HHAT: variants seen among roughly 807,000 people sequenced by gnomAD.
HHAT encodes the protein hedgehog acyltransferase.
In HHAT, 47 loss-of-function variants were observed where a neutral mutation model predicts 70.8. The ratio of observed to expected loss-of-function variants is 0.66; its 90% CI spans 0.53 to 0.85. The LOEUF (loss-of-function observed/expected upper bound fraction) is 0.85, where lower values mean the gene tolerates loss of function less well. Among genes scored for constraint, HHAT ranks in the 40% least tolerant of loss-of-function variants. HHAT has a pLI of 0.00. For missense variants in HHAT, 609 were observed against 604.8 expected, an observed-to-expected ratio of 1.01 and a Z score of -0.07; for synonymous variants, 228 against 247.6, an observed-to-expected ratio of 0.92 and a Z score of 0.74.
chr1:210,461,124 T>A (rs2093970709), intron 7 of HHAT, among the ~76,000 whole-genome samples: 1 of 152,210 alleles, frequency 6.6e-6, no homozygotes, highest in Non-Finnish European at 1.5e-5. Flanking sequence ...GTTCAATTTG[T>A]CACATAACTT....
At chr1:210,496,741 T>C (rs1353519341) in intron 8 of HHAT, among the ~76,000 whole-genome samples, 1 of 152,224 alleles carries the variant, frequency 6.6e-6, no homozygotes, top group Non-Finnish European at 1.5e-5. Context: ...CATGGTTAAT[T>C]AGCTGTGACT....
intron 2 of HHAT, among the ~76,000 whole-genome samples, chr1:210,351,168 G>A (rs1571799925): frequency 1.3e-5 from 2 of 152,200 alleles, no homozygotes; most frequent in African/African-American, 2.4e-5. Context: ...AGCCTATGAT[G>A]TAAATCCCAG....
chr1:210,557,142 G>A (rs1436087089), intron 9 of HHAT, among the ~76,000 whole-genome samples: 1 of 152,240 alleles, frequency 6.6e-6, no homozygotes, highest in Non-Finnish European at 1.5e-5. Flanking sequence ...GAGGGAGACA[G>A]AATGTGGCTG....
chr1:210,414,619 A>G (rs1282633916), intron 6 of HHAT, among the ~76,000 whole-genome samples: 1 of 152,216 alleles, frequency 6.6e-6, no homozygotes, highest in Non-Finnish European at 1.5e-5. Context: ...TTGGAGAAGC[A>G]GGATGAAGAA....
At chr1:210,398,061 C>T (rs920306389) in intron 4 of HHAT, among the ~76,000 whole-genome samples, 9 of 152,240 alleles carry the variant, frequency 5.9e-5, no homozygotes, top group African/African-American at 1.7e-4. Context: ...CGCAATGGCG[C>T]GATCTTGGCT....
At chr1:210,527,299 C>G (rs1419289685) in intron 9 of HHAT, among the ~76,000 whole-genome samples, 1 of 152,182 alleles carries the variant, frequency 6.6e-6, no homozygotes, top group African/African-American at 2.4e-5. Flanking sequence ...TTTTTCAGCT[C>G]AGGCTCCCAT....
At chr1:210,616,621 C>T (rs1667798856) in intron 10 of HHAT, among the ~76,000 whole-genome samples, 1 of 152,186 alleles carries the variant, frequency 6.6e-6, no homozygotes, top group South Asian at 2.1e-4. Context: ...TTGTGTATGG[C>T]ACTCAAGAGG....
chr1:210,631,043 A>G lies in HHAT; in HGVS notation c.1390+7373A>G, dbSNP rs144803998. The G allele has an allele frequency of 6.6e-6, 3 of 456,664 alleles. No homozygotes were observed. The East Asian group carries it at 2.1e-4, about 32-fold the overall frequency. The allele number at this position is 456,664 out of a possible 1,614,324, so 28.3% of individuals were successfully genotyped here. ...TACTCAATCCATGTTGGGAGACAGCATTCCAGGGCTTTCCTGTGTTTCTGC... is the reference window on the plus strand; with the variant it reads ...TACTCAATCCATGTTGGGAGACAGCGTTCCAGGGCTTTCCTGTGTTTCTGC... On this transcript the variant is annotated intron_variant, in intron 11 of 11. Coordinates refer to ENST00000261458, the MANE Select transcript of HHAT (RefSeq NM_018194.6).
intron 10 of HHAT, among the ~76,000 whole-genome samples, chr1:210,613,604 T>G (rs1475487844): frequency 1.3e-5 from 2 of 152,184 alleles, no homozygotes; most frequent in Non-Finnish European, 1.5e-5. Flanking sequence ...GTTGGGGCCA[T>G]TTGAGATCTC....
chr1:210,485,682 C>T (rs2094463691), intron 8 of HHAT, among the ~76,000 whole-genome samples: 1 of 152,092 alleles, frequency 6.6e-6, no homozygotes, highest in Non-Finnish European at 1.5e-5. Flanking sequence ...AAATGGATGG[C>T]AGCAGACAAA....
At chr1:210,569,692 T>C (rs1655755761) in intron 9 of HHAT, among the ~76,000 whole-genome samples, 1 of 152,164 alleles carries the variant, frequency 6.6e-6, no homozygotes. Context: ...AACCATCTCC[T>C]GCTTTGTATA....
chr1:210,660,793 C>G (rs148751386), intron 11 of HHAT, among the ~76,000 whole-genome samples: 2 of 151,908 alleles, frequency 1.3e-5, no homozygotes, highest in Non-Finnish European at 2.9e-5. Context: ...TTGACAAACC[C>G]GACAAAAACA....
At chr1:210,562,460 G>A (rs2095632116) in intron 9 of HHAT, among the ~76,000 whole-genome samples, 1 of 151,882 alleles carries the variant, frequency 6.6e-6, no homozygotes, top group Admixed American at 6.6e-5. Context: ...TCATGATTTG[G>A]AGAGAGGAGC....
intron 8 of HHAT, among the ~76,000 whole-genome samples, chr1:210,467,804 T>C (rs2094134997): frequency 6.6e-6 from 1 of 152,244 alleles, no homozygotes; most frequent in Non-Finnish European, 1.5e-5. Context: ...CCCATTTTAA[T>C]GGAGCCATAC....
intron 7 of HHAT, among the ~76,000 whole-genome samples, chr1:210,454,898 T>C (rs920663860): frequency 6.6e-6 from 1 of 152,216 alleles, no homozygotes; most frequent in Admixed American, 6.5e-5. Context: ...GGTTTCCAAG[T>C]TAATAACCAC....
chr1:210,599,223 A>G (rs1663691185), intron 10 of HHAT, among the ~76,000 whole-genome samples: 2 of 152,306 alleles, frequency 1.3e-5, no homozygotes, highest in South Asian at 2.1e-4. Flanking sequence ...ACTAATTTAG[A>G]TCCCAGTATC....
At chr1:210,462,481 T>G (rs943326370) in intron 7 of HHAT, 2 of 152,182 alleles carry the variant, frequency 1.3e-5, no homozygotes, top group Non-Finnish European at 2.9e-5. Flanking sequence ...CACATGCCCT[T>G]CAAGTATTTT....
chr1:210,364,141 C>T (rs1380843944), intron 3 of HHAT, among the ~76,000 whole-genome samples: 6 of 152,194 alleles, frequency 3.9e-5, no homozygotes, highest in South Asian at 2.1e-4. Flanking sequence ...TGGCTTTTGT[C>T]GCTCTACCCA....
intron 11 of HHAT, among the ~76,000 whole-genome samples, chr1:210,656,777 C>T (rs978856158): frequency 9.2e-5 from 14 of 152,134 alleles, no homozygotes; most frequent in African/African-American, 3.4e-4. Flanking sequence ...CAGAGAGGGC[C>T]CCCAGACTCC....
Sources: gnomAD v4.1 joint callset for allele counts (sites outside exome capture counted in the v4.1 genomes callset) on GRCh38, gnomAD v4.1.1 for gene constraint, MANE v1.5 for transcripts, NCBI Gene and HGNC (gene_info 2026-07-23, HGNC 2026-07-21) for gene names.